STK3: variants seen among roughly 807,000 people sequenced by gnomAD.
STK3 encodes the protein serine/threonine-protein kinase 3.
Under a neutral mutation model 58.0 loss-of-function variants are expected in STK3, and 41 were observed. That is an observed-to-expected ratio of 0.71 (90% confidence interval 0.55 to 0.92). The LOEUF is 0.92. STK3 is among the 40% of genes least tolerant of loss of function. The probability of loss-of-function intolerance (pLI) is 0.00; values close to 1 mark genes in which losing one functional copy is unlikely to be tolerated. For synonymous variants in STK3, 170 were observed against 191.0 expected, an observed-to-expected ratio of 0.89 and a Z score of 0.91; for missense variants, 479 against 602.7, an observed-to-expected ratio of 0.79 and a Z score of 2.15.
At chr8:98,361,506 T>C in the STK3 span, among the ~76,000 whole-genome samples, 8 of 152,158 alleles carry the variant, frequency 5.3e-5, no homozygotes, top group African/African-American at 1.7e-4. Flanking sequence ...TTCATGGTTG[T>C]TGAGAGGGTT....
chr8:98,766,015 A>C (rs1388376197), intron 3 of STK3, among the ~76,000 whole-genome samples: 1 of 152,030 alleles, frequency 6.6e-6, no homozygotes, highest in Non-Finnish European at 1.5e-5. Flanking sequence ...AGCACACCCC[A>C]ATGAGTTGTT....
At chr8:98,821,379 T>C (rs543219342) in intron 1 of STK3, among the ~76,000 whole-genome samples, 24 of 152,138 alleles carry the variant, frequency 1.6e-4, no homozygotes, top group Admixed American at 9.8e-4. Context: ...ACGAGACTGG[T>C]CCCTGGTGCC....
intron 1 of STK3, among the ~76,000 whole-genome samples, chr8:98,926,212 A>G (rs1839787280): frequency 6.6e-6 from 1 of 152,186 alleles, no homozygotes; most frequent in African/African-American, 2.4e-5. Context: ...GGGGGAGAGC[A>G]GCTGGAACTC....
chr8:98,436,905 C>T (rs1818512030), intron 2 of STK3: 1 of 152,356 alleles, frequency 6.6e-6, no homozygotes, highest in Non-Finnish European at 1.5e-5. Flanking sequence ...GTGTCACCCA[C>T]ACTTTCCTCG....
At chr8:98,535,395 T>C (rs1809670383) in intron 9 of STK3, among the ~76,000 whole-genome samples, 1 of 151,840 alleles carries the variant, frequency 6.6e-6, no homozygotes, top group African/African-American at 2.4e-5. Context: ...CTGTGACCTA[T>C]GTTCCTCCCC....
intron 1 of STK3, among the ~76,000 whole-genome samples, chr8:98,805,511 T>C (rs1318475662): frequency 6.6e-6 from 1 of 151,750 alleles, no homozygotes. Flanking sequence ...GGAGGCAGAG[T>C]TGCAGTGAGC....
rs540465592 is a variant in STK3 at position 98,417,870 on chromosome 8, G to A, written n.483+16257C>T. On this transcript the variant is annotated intron_variant and non_coding_transcript_variant, in intron 3 of 3. Transcript: ENST00000517832. ...CCCCCAGGCATTCTCCTTCCAGAAC[G>A]CCTCGCTGTTCAAGTAGTGGAGAGT... Among the ~76,000 whole-genome samples the A allele has an allele frequency of 2.0e-5, 3 of 152,218 alleles. No individual in the cohort carries two copies. The East Asian group carries it at 5.8e-4, about 29-fold the overall frequency.
At chr8:98,807,022 C>T (rs142525306) in intron 1 of STK3, among the ~76,000 whole-genome samples, 5 of 151,886 alleles carry the variant, frequency 3.3e-5, no homozygotes, top group East Asian at 2.0e-4. Context: ...GGCGTGGTGG[C>T]GGGCACCTGT....
intron 3 of STK3, among the ~76,000 whole-genome samples, chr8:98,420,535 T>C (rs909513725): frequency 4.6e-5 from 7 of 152,208 alleles, no homozygotes; most frequent in African/African-American, 1.7e-4. Flanking sequence ...ACTTGGAATG[T>C]ATCCCCTGCA....
rs187518839 is a variant in STK3, at chr8:98,740,623, C to A, written c.351+8653G>T. Among the ~76,000 whole-genome samples, 1,027 of 152,254 alleles carry A rather than the reference C, an allele frequency of 6.7e-3. 8 individuals are homozygous for A. The highest frequency in any genetic ancestry group is 0.023 in the African/African-American group (963 of 41,546). ...TAAACATGGAAAGGAACAACCGGTA[C>A]CAGCCACTGCAAAATCATGCCAAAT... On this transcript the variant is annotated intron_variant, in intron 4 of 10. Transcript: ENST00000419617.
rs922845249 is a variant in STK3 at position 98,617,104 on chromosome 8, C to A, written c.685-20935G>T. Reference sequence around the variant, plus strand: ...AAATGTAAAAGAACAGAAATTATAACAAACTATCTCTCAGACCACAGTGCA... The same window carrying A: ...AAATGTAAAAGAACAGAAATTATAAAAAACTATCTCTCAGACCACAGTGCA... On this transcript the variant is annotated intron_variant, in intron 6 of 10. Transcript: ENST00000419617. 2.0e-5 allele frequency among the ~76,000 whole-genome samples: 3 copies of A among 151,290 alleles called. No homozygotes were observed. The East Asian group carries it at 5.8e-4, about 29-fold the overall frequency.
chr8:98,449,724 T>G (rs191171791), downstream of STK3, among the ~76,000 whole-genome samples: 2 of 152,318 alleles, frequency 1.3e-5, no homozygotes, highest in South Asian at 4.1e-4. Context: ...TAATTGCCAA[T>G]GTACCAGTGG....
chr8:98,453,248 C>T (rs1234647457), downstream of STK3, among the ~76,000 whole-genome samples: 1 of 144,740 alleles, frequency 6.9e-6, no homozygotes, highest in Non-Finnish European at 1.5e-5. Context: ...GCCACCACGC[C>T]CAGCTAATTT....
intron 4 of STK3, among the ~76,000 whole-genome samples, chr8:98,740,391 A>G (rs1408850931): frequency 6.6e-6 from 1 of 152,270 alleles, no homozygotes; most frequent in Non-Finnish European, 1.5e-5. Context: ...CTAACAGCTG[A>G]TCTCTCAGCA....
chr8:98,904,987 C>A lies in STK3; in HGVS notation c.-78-21153G>T, dbSNP rs554988447. On this transcript the variant is annotated intron_variant, in intron 1 of 1. Coordinates refer to the STK3 transcript ENST00000519420. ...GCTGCTACTGCCTCGTAAGAGCAGACCCAGTATCGCTTATAGTAGTGGAGT... is the reference window on the plus strand; with the variant it reads ...GCTGCTACTGCCTCGTAAGAGCAGAACCAGTATCGCTTATAGTAGTGGAGT... 258 of 743,882 alleles carry A rather than the reference C, an allele frequency of 3.5e-4. No individual in the cohort carries two copies. In the African/African-American group the frequency reaches 3.9e-3, roughly 11 times the overall value. 46.1% of individuals were successfully genotyped at this position (743,882 alleles called of 1,614,324 possible). A position where few individuals can be genotyped will look rare whatever the true frequency, so the allele number is the denominator to read the frequency against.
At chr8:98,658,523 TCA>T (rs1394762270) in intron 6 of STK3, among the ~76,000 whole-genome samples, 2 of 152,022 alleles carry the variant, frequency 1.3e-5, no homozygotes, top group African/African-American at 4.8e-5. Context: ...CTTTCAGCCC[TCA>T]TTCTCTTCTC....
chr8:98,628,279 T>C (rs921475245), intron 6 of STK3, among the ~76,000 whole-genome samples: 2 of 152,208 alleles, frequency 1.3e-5, no homozygotes, highest in Non-Finnish European at 2.9e-5. Context: ...TCCAGGCTCA[T>C]CTCTTACCAT....
intron 7 of STK3, among the ~76,000 whole-genome samples, chr8:98,585,326 T>C (rs537254163): frequency 3.3e-5 from 5 of 152,348 alleles, no homozygotes; most frequent in Admixed American, 3.3e-4. Context: ...CTAGCCAATT[T>C]TCCCAGCACC....
intron 3 of STK3, among the ~76,000 whole-genome samples, chr8:98,433,735 T>C (rs187049626): frequency 1.5e-4 from 23 of 152,350 alleles, no homozygotes; most frequent in African/African-American, 3.4e-4. Context: ...GCAGAGAGAT[T>C]GCTTACAAAC....
Sources: gnomAD v4.1 joint callset for allele counts (sites outside exome capture counted in the v4.1 genomes callset) on GRCh38, gnomAD v4.1.1 for gene constraint, MANE v1.5 for transcripts, NCBI Gene and HGNC (gene_info 2026-07-23, HGNC 2026-07-21) for gene names.